Variants in PLA1A observed in about 807,000 individuals in gnomAD.
PLA1A encodes phosphatidylserine-specific phospholipase A1alpha.
A neutral mutation model predicts 49.4 loss-of-function variants in PLA1A; 47 were observed. The observed-to-expected ratio is 0.95, with a 90% confidence interval of 0.75 to 1.21. The LOEUF is 1.21. Ranked by LOEUF, PLA1A falls within the 50% of genes most tolerant of loss-of-function variation. The probability of loss-of-function intolerance (pLI) is 0.00; values close to 1 mark genes in which losing one functional copy is unlikely to be tolerated. For missense variants in PLA1A, 561 were observed against 563.9 expected (o/e 0.99, Z 0.05); for synonymous variants, 224 against 207.9 (o/e 1.08, Z -0.67).
intron 8 of PLA1A, among the ~76,000 whole-genome samples, chr3:119,622,087 A>AAAG (rs150974548): frequency 1.3e-3 from 147 of 114,270 alleles, no homozygotes; most frequent in African/African-American, 3.3e-3. Flanking sequence ...GTTTCTGAAG[A>AAAG]AAGAAGAAGA....
chr3:119,615,977 A>G (rs765279621), intron 5 of PLA1A, 35 bp from the exon 6 acceptor site: 2 of 1,399,952 alleles, frequency 1.4e-6, no homozygotes, highest in Non-Finnish European at 2.0e-6. Context: ...GACCCCCTGA[A>G]GTAAGGAAGT....
At chr3:119,621,095 A>G (rs372506320) in intron 8 of PLA1A, among the ~76,000 whole-genome samples, 5 of 152,322 alleles carry the variant, frequency 3.3e-5, no homozygotes, top group African/African-American at 1.2e-4. Context: ...TGGTGTTGCC[A>G]GGACCAGATG....
intron 1 of PLA1A, chr3:119,600,446 C>T (rs919555893): frequency 4.8e-5 from 34 of 702,260 alleles, no homozygotes; most frequent in Non-Finnish European, 8.3e-5. Flanking sequence ...CCTATGTTTC[C>T]TGGTCACAGA....
intron 4 of PLA1A, among the ~76,000 whole-genome samples, chr3:119,610,676 G>A (rs886402988): frequency 9.2e-5 from 14 of 151,946 alleles, no homozygotes; most frequent in Admixed American, 5.9e-4. Context: ...TTTTCTTGTT[G>A]ATTTGTTCAA....
rs1334939968 is a variant in PLA1A, at chr3:119,600,235, T to C, written c.73+2249T>C. On this transcript the variant is annotated intron_variant, in intron 1 of 10. Coordinates refer to ENST00000273371, the MANE Select transcript of PLA1A (RefSeq NM_015900.4). Reference sequence around the variant, plus strand: ...GAAGTTCAGCCTCCACTCACTTTCCTGGCTGTGTACCCACACAATCTTTCA... The same window carrying C: ...GAAGTTCAGCCTCCACTCACTTTCCCGGCTGTGTACCCACACAATCTTTCA... 9 of 594,096 alleles carry C rather than the reference T, an allele frequency of 1.5e-5. No homozygotes were observed. The East Asian group carries it at 2.5e-4, about 16-fold the overall frequency. The allele number at this position is 594,096 out of a possible 1,614,324, so 36.8% of individuals were successfully genotyped here.
In PLA1A at chr3:119,620,176, C is replaced by T. The variant is rs116324693; in HGVS notation, c.1012+524C>T. 2.9e-3 allele frequency: 1,321 copies of T among 456,508 alleles called. 11 individuals are homozygous for T. Among genetic ancestry groups the T allele is most frequent in the African/African-American group, 0.023 (1,175 of 50,156 alleles). The allele number at this position is 456,508 out of a possible 1,614,324, so 28.3% of individuals were successfully genotyped here. A position where few individuals can be genotyped will look rare whatever the true frequency, so the allele number is the denominator to read the frequency against. ...GTTAAATGTGAAGTAAAAATGTGTC[C>T]AGAATCCATGAAATACATTACAAGC... On this transcript the variant is annotated intron_variant, in intron 8 of 10. Coordinates refer to ENST00000273371, the MANE Select transcript of PLA1A (RefSeq NM_015900.4).
chr3:119,601,765 T>C (rs1165924798), intron 1 of PLA1A, among the ~76,000 whole-genome samples: 2 of 152,224 alleles, frequency 1.3e-5, no homozygotes, highest in African/African-American at 2.4e-5. Flanking sequence ...ACATTTCTTA[T>C]CTGTTCCCTG....
intron 2 of PLA1A, among the ~76,000 whole-genome samples, chr3:119,608,294 A>T (rs971984535): frequency 6.6e-6 from 1 of 150,534 alleles, no homozygotes; most frequent in Non-Finnish European, 1.5e-5. Flanking sequence ...GAAAGAAAGA[A>T]AGAAAAAGAA....
chr3:119,629,256 G>C (rs2052590185), intron 10 of PLA1A, 128 bp from the exon 11 acceptor site: 1 of 703,702 alleles, frequency 1.4e-6, no homozygotes, highest in Non-Finnish European at 2.6e-6. Context: ...TTGGACCACA[G>C]GAACTGGCTC....
At chr3:119,598,414 A>G (rs1349920022) in intron 1 of PLA1A, among the ~76,000 whole-genome samples, 3 of 152,216 alleles carry the variant, frequency 2.0e-5, no homozygotes, top group Admixed American at 1.3e-4. Flanking sequence ...CTAATCCAGC[A>G]ACCTAACTCA....
intron 1 of PLA1A, 67 bp from the exon 2 acceptor site, chr3:119,606,707 C>A: frequency 2.2e-6 from 3 of 1,342,498 alleles, no homozygotes; most frequent in South Asian, 2.4e-5. Context: ...CCAAGGTCAT[C>A]TTTCTTCCTT....
At chr3:119,626,862 A>G (rs191045711) in intron 9 of PLA1A, among the ~76,000 whole-genome samples, 1 of 152,158 alleles carries the variant, frequency 6.6e-6, no homozygotes, top group East Asian at 1.9e-4. Context: ...TTGTGGCTGG[A>G]TATCAGTAAG....
Position 119,619,753 on chromosome 3 carries a change from G to T in PLA1A, c.1012+101G>T. The T allele has an allele frequency of 2.4e-6, 2 of 826,536 alleles. 1 individual carries two copies. Among genetic ancestry groups the T allele is most frequent in the South Asian group, 2.8e-5 (2 of 70,744 alleles). 51.2% of individuals were successfully genotyped at this position (826,536 alleles called of 1,614,324 possible). A position where few individuals can be genotyped will look rare whatever the true frequency, so the allele number is the denominator to read the frequency against. ...GGTGGGAGTGAATGATAAGAGCAAA[G>T]GCATCACCGGAGGTGTGGCAACAGC... On this transcript the variant is annotated intron_variant, in intron 8 of 10. Transcript: ENST00000273371.
chr3:119,615,798 C>G (rs901595571), intron 5 of PLA1A, among the ~76,000 whole-genome samples: 2 of 147,976 alleles, frequency 1.4e-5, no homozygotes, highest in African/African-American at 2.5e-5. Context: ...GTGACAAGAG[C>G]GAGAGAGCGA....
At chr3:119,618,590 T>C (rs2082885441) in intron 7 of PLA1A, among the ~76,000 whole-genome samples, 1 of 152,148 alleles carries the variant, frequency 6.6e-6, no homozygotes, top group Non-Finnish European at 1.5e-5. Context: ...ACATTACAGG[T>C]CGGATATTCT....
At chr3:119,625,279 T>C in intron 9 of PLA1A, 47 bp downstream of exon 9, 1 of 1,231,882 alleles carries the variant, frequency 8.1e-7, no homozygotes, top group Non-Finnish European at 1.2e-6. Context: ...AGGAGTTGGT[T>C]ACTTTTTCAT....
At chr3:119,628,914 A>G (rs1458662364) in intron 10 of PLA1A, 49 bp downstream of exon 10, 7 of 1,470,386 alleles carry the variant, frequency 4.8e-6, no homozygotes, top group East Asian at 2.3e-5. Context: ...CACATCAAAG[A>G]CCAGTCTTGG....
chr3:119,607,427 A>G (rs761881921), intron 2 of PLA1A, among the ~76,000 whole-genome samples: 20 of 152,196 alleles, frequency 1.3e-4, no homozygotes, highest in Admixed American at 6.5e-5. Context: ...GTTGTAATAT[A>G]TAGTCACTGA....
chr3:119,608,268 GAAAGAAAGAAAGA>G (rs2082719419), intron 2 of PLA1A, among the ~76,000 whole-genome samples: 1 of 149,684 alleles, frequency 6.7e-6, no homozygotes, highest in African/African-American at 2.5e-5. Flanking sequence ...AAGAAAGAAA[GAAAGAAAGAAAGA>G]AAGAAAGAAA....
Sources: gnomAD v4.1 joint callset for allele counts (sites outside exome capture counted in the v4.1 genomes callset) on GRCh38, gnomAD v4.1.1 for gene constraint, MANE v1.5 for transcripts, NCBI Gene and HGNC (gene_info 2026-07-23, HGNC 2026-07-21) for gene names.